Variants in GABRA4 observed in about 807,000 individuals in gnomAD.
GABRA4 encodes gamma-aminobutyric acid type A receptor subunit alpha4.
A neutral mutation model predicts 49.7 loss-of-function variants in GABRA4; 12 were observed. The ratio of observed to expected loss-of-function variants is 0.24; its 90% CI spans 0.15 to 0.39. The LOEUF is 0.39. Ranked by LOEUF, GABRA4 falls within the 10% of genes least tolerant of loss-of-function variation. The pLI, the probability that GABRA4 is intolerant of heterozygous loss-of-function variation, is 1.00. For missense variants in GABRA4, 506 were observed against 686.0 expected (o/e 0.74, Z 2.93); for synonymous variants, 288 against 240.2 (o/e 1.20, Z -1.84).
chr4:46,960,594 T>C (rs561063602), intron 8 of GABRA4, among the ~76,000 whole-genome samples: 8 of 151,632 alleles, frequency 5.3e-5, no homozygotes, highest in Non-Finnish European at 8.9e-5. Flanking sequence ...TTTTCAAAAA[T>C]CCCATTTGAA....
Position 46,964,866 on chromosome 4 carries a change from A to G in GABRA4, c.1134+104T>C. On this transcript the variant is annotated intron_variant, in intron 8 of 8. Transcript: ENST00000264318. ...GTTTTTCTGTATTTTTAAATGACTT[A>G]CAAGTTGATATCAGGATTTTTAAGT... 4.1e-6 allele frequency: 5 copies of G among 1,220,350 alleles called. No homozygotes were observed. The South Asian group carries it at 6.4e-5, about 16-fold the overall frequency. The allele number at this position is 1,220,350 out of a possible 1,614,324, so 75.6% of individuals were successfully genotyped here.
intron 2 of GABRA4, among the ~76,000 whole-genome samples, chr4:46,979,832 C>T (rs1184839780): frequency 1.3e-5 from 2 of 152,250 alleles, no homozygotes; most frequent in East Asian, 3.9e-4. Flanking sequence ...TTGCTTCTGA[C>T]AGTGGCCACT....
intron 6 of GABRA4, among the ~76,000 whole-genome samples, chr4:46,972,734 C>G (rs533391554): frequency 6.1e-4 from 93 of 151,640 alleles, no homozygotes; most frequent in Non-Finnish European, 1.2e-3. Context: ...ATACTATGCC[C>G]TTTGACTAAT....
At chr4:46,982,802 A>T (rs1199565654) in intron 2 of GABRA4, among the ~76,000 whole-genome samples, 2 of 152,038 alleles carry the variant, frequency 1.3e-5, no homozygotes, top group African/African-American at 2.4e-5. Flanking sequence ...GCAAAAGTAG[A>T]AGAAGGGCTC....
intron 8 of GABRA4, among the ~76,000 whole-genome samples, chr4:46,936,185 A>T (rs1721596223): frequency 6.6e-6 from 1 of 152,196 alleles, no homozygotes; most frequent in Non-Finnish European, 1.5e-5. Flanking sequence ...AATGTCTAAA[A>T]AAAGATGTGG....
intron 8 of GABRA4, among the ~76,000 whole-genome samples, chr4:46,941,213 A>T (rs958896300): frequency 6.6e-6 from 1 of 152,012 alleles, no homozygotes; most frequent in African/African-American, 2.4e-5. Flanking sequence ...GTATAAAACA[A>T]ATCTTAAAAC....
At chr4:46,936,275 G>C (rs1721599867) in intron 8 of GABRA4, among the ~76,000 whole-genome samples, 1 of 152,084 alleles carries the variant, frequency 6.6e-6, no homozygotes, top group South Asian at 2.1e-4. Flanking sequence ...TTGAGACAGA[G>C]TTTCGCTCTT....
chr4:46,965,907 T>A (rs937466985), intron 7 of GABRA4, among the ~76,000 whole-genome samples: 2 of 151,592 alleles, frequency 1.3e-5, no homozygotes, highest in Non-Finnish European at 3.0e-5. Flanking sequence ...CAATTTGGCA[T>A]TATAAATATT....
At chr4:46,969,965 C>A (rs1032099491) in intron 7 of GABRA4, among the ~76,000 whole-genome samples, 3 of 151,286 alleles carry the variant, frequency 2.0e-5, no homozygotes, top group Non-Finnish European at 4.4e-5. Flanking sequence ...CATTGCCCCC[C>A]CATATGAGTT....
At chr4:46,990,695 G>A (rs1409856587) in intron 2 of GABRA4, among the ~76,000 whole-genome samples, 2 of 152,068 alleles carry the variant, frequency 1.3e-5, no homozygotes, top group African/African-American at 2.4e-5. Context: ...GCCTTAAATG[G>A]TATCACATCA....
intron 8 of GABRA4, among the ~76,000 whole-genome samples, chr4:46,933,674 C>A (rs1160179951): frequency 6.6e-6 from 1 of 152,108 alleles, no homozygotes; most frequent in African/African-American, 2.4e-5. Context: ...AGAATATTCA[C>A]CCAGCTTTCA....
At chr4:46,978,225 T>C (rs1296524200) in intron 3 of GABRA4, among the ~76,000 whole-genome samples, 2 of 152,074 alleles carry the variant, frequency 1.3e-5, no homozygotes, top group African/African-American at 2.4e-5. Context: ...TGCTTCGTAT[T>C]CTAAGCTCTT....
intron 8 of GABRA4, among the ~76,000 whole-genome samples, chr4:46,964,134 T>A (rs1486828334): frequency 6.6e-6 from 1 of 151,866 alleles, no homozygotes; most frequent in East Asian, 1.9e-4. Flanking sequence ...ATGGAGATCA[T>A]CAAGTTAAGT....
intron 8 of GABRA4, among the ~76,000 whole-genome samples, chr4:46,930,031 C>A (rs551909826): frequency 6.6e-6 from 1 of 151,978 alleles, no homozygotes; most frequent in Non-Finnish European, 1.5e-5. Context: ...ACTCATCTAG[C>A]ATGTTTAAAG....
chr4:46,993,311 C>T (rs776732843), intron 1 of GABRA4, 28 bp downstream of exon 1: 6 of 1,600,498 alleles, frequency 3.7e-6, no homozygotes, highest in South Asian at 1.1e-5. Flanking sequence ...TTTCCGTTGC[C>T]CACCTCCTCG....
At chr4:46,993,241 C>A (rs967584481) in intron 1 of GABRA4, 98 bp downstream of exon 1, 1 of 1,025,986 alleles carries the variant, frequency 9.7e-7, no homozygotes, top group African/African-American at 1.6e-5. Flanking sequence ...ATAAGAAGAC[C>A]TAGTCCACCC....
At chr4:46,981,617 T>C (rs1330382565) in intron 2 of GABRA4, among the ~76,000 whole-genome samples, 1 of 152,116 alleles carries the variant, frequency 6.6e-6, no homozygotes, top group Non-Finnish European at 1.5e-5. Flanking sequence ...GCTCTGATGC[T>C]ACATTGGTAA....
At position 46,923,997 on chromosome 4, in the gene GABRA4, G is replaced by A. The variant is rs1721125002; in HGVS notation, c.*4228C>T. 1 of 151,872 alleles carries A rather than the reference G, an allele frequency of 6.6e-6. No individual in the cohort carries two copies. Among genetic ancestry groups the A allele is most frequent in the African/African-American group, 2.4e-5 (1 of 41,340 alleles). The allele number at this position is 151,872 out of a possible 1,614,324, so 9.4% of individuals were successfully genotyped here. On this transcript the variant is annotated 3_prime_UTR_variant, in exon 9 of 9. Coordinates refer to ENST00000264318, the MANE Select transcript of GABRA4 (RefSeq NM_000809.4). ...GATAAAATTGCGCTTTCATTTTTTT[G>A]TTTGTTTGTGGAAGTGGGAATGGAG... is the stretch of plus-strand genomic sequence containing the variant.
At position 46,928,686 on chromosome 4, in the gene GABRA4, T is replaced by G. The variant is rs1189656727; in HGVS notation, c.1204A>C (p.Asn402His). The change falls in exon 9 of 9, where the codon AAC (asparagine) becomes CAC (histidine). Residue 402 changes from asparagine to histidine, a missense_variant. Transcript: ENST00000264318. ...ALVHSESDVGNRTEVGNHSSK... is the reference protein window; with the variant it reads ...ALVHSESDVGHRTEVGNHSSK... The stretch of plus-strand genomic sequence containing the variant: ...GAATGGTTTCCCACCTCAGTTCTGT[T>G]GCCAACATCAGATTCAGAGTGAACC... The G allele has an allele frequency of 6.2e-7, 1 of 1,613,394 alleles. No individual in the cohort carries two copies. The highest frequency in any genetic ancestry group is 1.7e-5 in the Admixed American group (1 of 59,912).
Sources: allele counts gnomAD v4.1 joint callset (sites outside exome capture counted in the v4.1 genomes callset), GRCh38; gene constraint gnomAD v4.1.1; transcripts MANE v1.5; gene names NCBI Gene and HGNC (gene_info 2026-07-23, HGNC 2026-07-21).